NSUN7: variants seen among roughly 807,000 people sequenced by gnomAD.
NSUN7 encodes the protein protein NSUN7.
Under a neutral mutation model 58.5 loss-of-function variants are expected in NSUN7, and 39 were observed. That is an observed-to-expected ratio of 0.67 (90% confidence interval 0.52 to 0.87). The LOEUF is 0.87. NSUN7 is among the 40% of genes least tolerant of loss of function. The probability of loss-of-function intolerance (pLI) is 0.00; values close to 1 mark genes in which losing one functional copy is unlikely to be tolerated. For synonymous variants in NSUN7, 278 were observed against 303.7 expected (o/e 0.92, Z 0.88); for missense variants, 765 against 844.1 (o/e 0.91, Z 1.16).
chr4:40,801,623 C>A lies in NSUN7; in HGVS notation c.1400+2719C>A, dbSNP rs114514013. Among the ~76,000 whole-genome samples the A allele has an allele frequency of 3.3e-3, 499 of 151,926 alleles. 3 individuals carry two copies. Among genetic ancestry groups the A allele is most frequent in the African/African-American group, 0.012 (482 of 41,468 alleles). On this transcript the variant is annotated intron_variant, in intron 10 of 11. Transcript: ENST00000381782. ...TTAAAAATTTGCTTTATAGGTTGAGCATGGTGGCTCACGCCTGTAATCCCA... is the reference window on the plus strand; with the variant it reads ...TTAAAAATTTGCTTTATAGGTTGAGAATGGTGGCTCACGCCTGTAATCCCA...
chr4:40,777,322 AT>A (rs71648923), intron 7 of NSUN7, among the ~76,000 whole-genome samples: 4 of 151,894 alleles, frequency 2.6e-5, no homozygotes, highest in Admixed American at 2.6e-4. Context: ...AATTTTTTTC[AT>A]TTTTTTAAAT....
rs1402531566 is a variant in NSUN7 at position 40,809,746 on chromosome 4, G to C, written c.*807G>C. The C allele has an allele frequency of 6.6e-6, 1 of 152,178 alleles. No individual in the cohort carries two copies. Among genetic ancestry groups the C allele is most frequent in the Non-Finnish European group, 1.5e-5 (1 of 68,018 alleles). 9.4% of individuals were successfully genotyped at this position (152,178 alleles called of 1,614,324 possible). ...CCACAAATTTCTGATTCTAAGATCA[G>C]GGGATACAACAAAATCTACAAGTCA... On this transcript the variant is annotated 3_prime_UTR_variant, in exon 12 of 12. Coordinates refer to ENST00000381782, the MANE Select transcript of NSUN7 (RefSeq NM_024677.6).
intron 8 of NSUN7, among the ~76,000 whole-genome samples, chr4:40,794,109 G>A (rs1473958966): frequency 6.6e-6 from 1 of 151,842 alleles, no homozygotes; most frequent in African/African-American, 2.4e-5. Context: ...ATGACTACTT[G>A]GATGACTATC....
chr4:40,769,748 C>T lies in NSUN7; in HGVS notation c.489-4517C>T, dbSNP rs1157978664. Among the ~76,000 whole-genome samples, 4 of 152,302 alleles carry T rather than the reference C, an allele frequency of 2.6e-5. No individual in the cohort carries two copies. In the East Asian group the frequency reaches 7.7e-4, roughly 29 times the overall value. ...CAGAATTTCTAATTGCCAAAATGCC[C>T]TTTAAATACTTGTTCATGGGTTTTA... On this transcript the variant is annotated intron_variant, in intron 4 of 11. Coordinates refer to ENST00000381782, the MANE Select transcript of NSUN7 (RefSeq NM_024677.6).
chr4:40,771,276 A>G (rs1024573014), intron 4 of NSUN7, among the ~76,000 whole-genome samples: 4 of 152,228 alleles, frequency 2.6e-5, no homozygotes, highest in African/African-American at 9.6e-5. Context: ...TTCTCTTATC[A>G]TTCTATATTT....
At chr4:40,786,195 G>A (rs1742813310) in intron 7 of NSUN7, 1 of 1,613,792 alleles carries the variant, frequency 6.2e-7, no homozygotes, top group Admixed American at 1.7e-5. Context: ...TTCTGGGTTT[G>A]GACTGTGCTG....
Position 40,808,767 on chromosome 4 carries a change from G to C in NSUN7, c.1985G>C (p.Ser662Thr), listed in dbSNP as rs1744008848. 1 of 1,549,560 alleles carries C rather than the reference G, an allele frequency of 6.5e-7. No homozygotes were observed. The highest frequency in any genetic ancestry group is 8.7e-7 in the Non-Finnish European group (1 of 1,146,654). The change falls in exon 12 of 12, where the codon AGT (serine) becomes ACT (threonine). Residue 662 changes from serine (S) to threonine (T), a missense_variant. Coordinates refer to ENST00000381782, the MANE Select transcript of NSUN7 (RefSeq NM_024677.6). ...CCTCCAGTCTTTATGCCATTTTCAAGTCCCCAAGGGATCAGATCTCGGATG... is the reference window on the plus strand; with the variant it reads ...CCTCCAGTCTTTATGCCATTTTCAACTCCCCAAGGGATCAGATCTCGGATG... ...VLPPVFMPFSSPQGIRSRMPT... is the reference protein window; with the variant it reads ...VLPPVFMPFSTPQGIRSRMPT...
At chr4:40,790,554 G>A in intron 7 of NSUN7, 48 bp from the exon 8 acceptor site, 1 of 1,239,664 alleles carries the variant, frequency 8.1e-7, no homozygotes, top group East Asian at 2.4e-5. Context: ...ACTACATTAA[G>A]ATTTTTCATT....
rs1230504958 is a variant in NSUN7, at chr4:40,771,750, TATA to T, written c.489-2514_489-2512del. Among the ~76,000 whole-genome samples the T allele has an allele frequency of 8.2e-5, 12 of 146,890 alleles. No individual in the cohort carries two copies. In the East Asian group the frequency reaches 2.1e-3, roughly 26 times the overall value. ...AATTATATAATTATAAATATATAAT[TATA>T]TTATTAATATTTAATATCATAAAGG... On this transcript the variant is annotated intron_variant, in intron 4 of 11. Transcript: ENST00000381782.
chr4:40,754,160 T>C (rs1337890603), intron 2 of NSUN7, among the ~76,000 whole-genome samples: 2 of 151,840 alleles, frequency 1.3e-5, no homozygotes, highest in East Asian at 3.8e-4. Context: ...TTTTTTTTTT[T>C]TGAGACAGAG....
chr4:40,776,622 CT>C (rs778219487), intron 7 of NSUN7: 3,396 of 166,116 alleles, frequency 0.02, no homozygotes, highest in South Asian at 0.065. Context: ...GAAGCTAAGT[CT>C]TTTTTTTTTT....
chr4:40,808,233 T>A, intron 11 of NSUN7, 74 bp from the exon 12 acceptor site: 1 of 1,469,992 alleles, frequency 6.8e-7, no homozygotes, highest in Admixed American at 2.3e-5. Context: ...TTTTTACTGA[T>A]ACATTGATAA....
chr4:40,774,716 GT>G, intron 5 of NSUN7, 50 bp from the exon 6 acceptor site: 1 of 1,157,304 alleles, frequency 8.6e-7, no homozygotes, highest in East Asian at 2.4e-5. Context: ...TGTTAAGGAC[GT>G]TTTTAATGTA....
chr4:40,768,243 C>T (rs1421457952), intron 4 of NSUN7, among the ~76,000 whole-genome samples: 1 of 150,926 alleles, frequency 6.6e-6, no homozygotes, highest in African/African-American at 2.4e-5. Context: ...GCTCTGTCGC[C>T]CATGCTGGAG....
Position 40,791,051 on chromosome 4 carries a change from C to T in NSUN7, c.1180+306C>T, listed in dbSNP as rs187860404. Among the ~76,000 whole-genome samples, 281 of 152,122 alleles carry T rather than the reference C, an allele frequency of 1.8e-3. 1 individual carries two copies. The highest frequency in any genetic ancestry group is 4.2e-3 in the South Asian group (20 of 4,814). On this transcript the variant is annotated intron_variant, in intron 8 of 11. Transcript: ENST00000381782. ...TCTTGATGTAAGTGTTAAAATTTAC[C>T]GGCATTCTATAGATGAAAATACTGA... is the stretch of plus-strand genomic sequence containing the variant.
At chr4:40,762,728 G>C (rs1280386956) in intron 4 of NSUN7, 1 of 152,194 alleles carries the variant, frequency 6.6e-6, no homozygotes, top group African/African-American at 2.4e-5. Context: ...AGGTGAATGA[G>C]AATGACCACC....
chr4:40,792,403 G>A (rs1047270247), intron 8 of NSUN7, among the ~76,000 whole-genome samples: 1 of 152,176 alleles, frequency 6.6e-6, no homozygotes, highest in Non-Finnish European at 1.5e-5. Context: ...CATTTCCTAG[G>A]TACTGGTAAT....
In NSUN7 at chr4:40,761,321, G is replaced by T. The variant is rs1363547007; in HGVS notation, c.488+20G>T. On this transcript the variant is annotated intron_variant, in intron 4 of 11. Transcript: ENST00000381782. ...TAACAGGTAATCGTAAAAGTGAAAAGAATGTTTTATATGAAACCTACATTG... is the reference window on the plus strand; with the variant it reads ...TAACAGGTAATCGTAAAAGTGAAAATAATGTTTTATATGAAACCTACATTG... The T allele has an allele frequency of 6.3e-7, 1 of 1,591,326 alleles. No homozygotes were observed. Among genetic ancestry groups the T allele is most frequent in the Non-Finnish European group, 8.6e-7 (1 of 1,167,140 alleles).
At chr4:40,753,164 A>C (rs1017674284) in intron 2 of NSUN7, among the ~76,000 whole-genome samples, 46 of 152,298 alleles carry the variant, frequency 3.0e-4, no homozygotes, top group African/African-American at 1.1e-3. Context: ...ATTCTATATA[A>C]AATTAATGCA....
Sources: allele counts gnomAD v4.1 joint callset (sites outside exome capture counted in the v4.1 genomes callset), GRCh38; gene constraint gnomAD v4.1.1; transcripts MANE v1.5; gene names NCBI Gene and HGNC (gene_info 2026-07-23, HGNC 2026-07-21).